SLX4IP: variants seen among roughly 807,000 people sequenced by gnomAD.
SLX4IP encodes the protein protein SLX4IP.
Under a neutral mutation model 32.9 loss-of-function variants are expected in SLX4IP, and 34 were observed. The ratio of observed to expected loss-of-function variants is 1.03; its 90% CI spans 0.79 to 1.38. The LOEUF (loss-of-function observed/expected upper bound fraction) is 1.38, where lower values mean the gene tolerates loss of function less well. Among genes scored for constraint, SLX4IP ranks in the 40% most tolerant of loss-of-function variants. The probability of loss-of-function intolerance (pLI) is 0.00; values close to 1 mark genes in which losing one functional copy is unlikely to be tolerated. For synonymous variants in SLX4IP, 172 were observed against 171.7 expected (o/e 1.00, Z -0.01); for missense variants, 444 against 479.0 (o/e 0.93, Z 0.68).
intron 2 of SLX4IP, among the ~76,000 whole-genome samples, chr20:10,490,860 G>T (rs2065616360): frequency 6.6e-6 from 1 of 152,104 alleles, no homozygotes; most frequent in Non-Finnish European, 1.5e-5. Flanking sequence ...TCTTTGATGT[G>T]AATGCTCTGA....
chr20:10,544,394 G>A (rs186529357), intron 2 of SLX4IP, among the ~76,000 whole-genome samples: 1 of 152,256 alleles, frequency 6.6e-6, no homozygotes, highest in Non-Finnish European at 1.5e-5. Context: ...GAGAATGTTT[G>A]TTTGTTTGTG....
chr20:10,575,609 G>T (rs2066515446), intron 4 of SLX4IP, among the ~76,000 whole-genome samples: 1 of 151,310 alleles, frequency 6.6e-6, no homozygotes. Context: ...TAATATGTAG[G>T]ATGACAAGGT....
chr20:10,442,303 G>A (rs1352680558), intron 1 of SLX4IP, among the ~76,000 whole-genome samples: 2 of 152,094 alleles, frequency 1.3e-5, no homozygotes. Flanking sequence ...TAAATGACAG[G>A]ACAACCATGT....
intron 2 of SLX4IP, among the ~76,000 whole-genome samples, chr20:10,498,795 A>T (rs908916508): frequency 6.6e-6 from 1 of 151,308 alleles, no homozygotes; most frequent in Non-Finnish European, 1.5e-5. Flanking sequence ...TAATATCCAT[A>T]TTAAAATTCT....
rs767556301 is a variant in SLX4IP, at chr20:10,494,388, A to G, written c.27+36157A>G. 1.4e-4 allele frequency among the ~76,000 whole-genome samples: 21 copies of G among 150,230 alleles called. 1 individual carries two copies. The highest frequency in any genetic ancestry group is 3.5e-3 in the Middle Eastern group (1 of 284). On this transcript the variant is annotated intron_variant, in intron 2 of 7. Transcript: ENST00000334534. ...CTGTTATAATATCATTATTATATTT[A>G]TATTATTATAAGTTTCTTTAATGCT...
chr20:10,569,142 G>T (rs998294851), intron 4 of SLX4IP, among the ~76,000 whole-genome samples: 2 of 151,560 alleles, frequency 1.3e-5, no homozygotes, highest in Non-Finnish European at 2.9e-5. Context: ...GACTGGCCAG[G>T]TGGCAAGTCA....
At chr20:10,617,451 G>A (rs930298653) in intron 6 of SLX4IP, among the ~76,000 whole-genome samples, 1 of 152,108 alleles carries the variant, frequency 6.6e-6, no homozygotes, top group Admixed American at 6.5e-5. Context: ...AAGCTCAAGA[G>A]CAGGTGTTTT....
At chr20:10,552,557 G>T (rs964378742) in intron 2 of SLX4IP, among the ~76,000 whole-genome samples, 1 of 152,072 alleles carries the variant, frequency 6.6e-6, no homozygotes, top group Non-Finnish European at 1.5e-5. Flanking sequence ...AGCCCCCTGC[G>T]GGGGAGGGGA....
At chr20:10,560,402 C>T (rs2066319454) in intron 3 of SLX4IP, among the ~76,000 whole-genome samples, 1 of 152,176 alleles carries the variant, frequency 6.6e-6, no homozygotes, top group Non-Finnish European at 1.5e-5. Flanking sequence ...ACCTCCTTGC[C>T]CTGATGTTTA....
chr20:10,616,670 C>T (rs1490811016), intron 6 of SLX4IP, among the ~76,000 whole-genome samples: 1 of 152,148 alleles, frequency 6.6e-6, no homozygotes, highest in African/African-American at 2.4e-5. Context: ...ACCCAAAATG[C>T]TCTTCCCCGT....
chr20:10,539,390 G>A (rs1281269484), intron 2 of SLX4IP, among the ~76,000 whole-genome samples: 1 of 152,092 alleles, frequency 6.6e-6, no homozygotes, highest in Non-Finnish European at 1.5e-5. Flanking sequence ...TTCACAAAGC[G>A]TGAGTTGCTC....
intron 2 of SLX4IP, among the ~76,000 whole-genome samples, chr20:10,473,671 C>T (rs569732358): frequency 6.1e-4 from 93 of 151,540 alleles, no homozygotes; most frequent in African/African-American, 1.7e-3. Context: ...GGTGTAATCA[C>T]GGCTCACTGC....
At chr20:10,601,653 G>A (rs2066843370) in intron 5 of SLX4IP, 78 bp from the exon 6 acceptor site, 4 of 1,240,722 alleles carry the variant, frequency 3.2e-6, no homozygotes, top group Non-Finnish European at 3.5e-6. Flanking sequence ...AACTTAAAAT[G>A]AACAAAAATC....
At chr20:10,518,789 C>T (rs183345340) in intron 2 of SLX4IP, among the ~76,000 whole-genome samples, 1 of 151,936 alleles carries the variant, frequency 6.6e-6, no homozygotes, top group East Asian at 1.9e-4. Context: ...AGGCTAGTCT[C>T]GAACTCCTGA....
In SLX4IP at chr20:10,446,520, T is replaced by TCGTAGGTAAGTGCA. The variant is rs1555804744; in HGVS notation, c.-30+11067_-30+11068insCGTAGGTAAGTGCA. 9.3e-4 allele frequency among the ~76,000 whole-genome samples: 141 copies of TCGTAGGTAAGTGCA among 151,924 alleles called. 2 individuals are homozygous for TCGTAGGTAAGTGCA. The highest frequency in any genetic ancestry group is 3.4e-3 in the Middle Eastern group (1 of 294). On this transcript the variant is annotated intron_variant, in intron 1 of 7. Transcript: ENST00000334534. ...AATTCTGAGGAGAGCAATTTTTGGGTTGTTTAGATTGATAAGAAACTTCCA... is the reference window on the plus strand; with the variant it reads ...AATTCTGAGGAGAGCAATTTTTGGGTCGTAGGTAAGTGCATGTTTAGATTGATAAGAAACTTCCA...
In SLX4IP at chr20:10,450,123, T is replaced by A. The variant is rs553117685; in HGVS notation, c.-29-8053T>A. Among the ~76,000 whole-genome samples, 5 of 152,326 alleles carry A rather than the reference T, an allele frequency of 3.3e-5. No individual in the cohort carries two copies. In the South Asian group the frequency reaches 6.2e-4, roughly 19 times the overall value. ...TTGCCTTGGCCTTCCACGTGGTCTA[T>A]CTGTCCTTCAGGAAAAAAAGTACAT... is the stretch of plus-strand genomic sequence containing the variant. On this transcript the variant is annotated intron_variant, in intron 1 of 7. Transcript: ENST00000334534.
chr20:10,530,803 G>GA (rs538756772), intron 2 of SLX4IP, among the ~76,000 whole-genome samples: 4,911 of 149,372 alleles, frequency 0.033, 118 homozygotes, highest in Admixed American at 0.091. Context: ...CTCTAAGGTA[G>GA]AAAAAAAAAA....
In SLX4IP at chr20:10,598,716, A is replaced by T. The variant is rs2066803379; in HGVS notation, c.280A>T (p.Ile94Leu). 1.2e-6 allele frequency: 2 copies of T among 1,614,040 alleles called. No homozygotes were observed. The highest frequency in any genetic ancestry group is 1.1e-5 in the South Asian group (1 of 91,090). Residue 94 changes from isoleucine to leucine, a missense_variant, in exon 5 of 8, where the codon ATA (isoleucine) becomes TTA (leucine). Coordinates refer to ENST00000334534, the MANE Select transcript of SLX4IP (RefSeq NM_001009608.3). ...CACAGCCTATTTCCTCAAGAGAGGG[A>T]TACGCCTTCGCTGCATCAGGAGCAC... The part of the protein sequence containing the change: ...QITAYFLKRG[I>L]RLRCIRSTQN...
chr20:10,443,854 C>G (rs1187276098), intron 1 of SLX4IP, among the ~76,000 whole-genome samples: 2 of 152,146 alleles, frequency 1.3e-5, no homozygotes, highest in Non-Finnish European at 2.9e-5. Flanking sequence ...TAGTACCTCT[C>G]TCTTCTCTCT....
Sources: allele counts gnomAD v4.1 joint callset (sites outside exome capture counted in the v4.1 genomes callset), GRCh38; gene constraint gnomAD v4.1.1; transcripts MANE v1.5; gene names NCBI Gene and HGNC (gene_info 2026-07-23, HGNC 2026-07-21).